CSMD1: variants seen among roughly 807,000 people sequenced by gnomAD.
CSMD1 encodes CUB and Sushi multiple domains 1, also known as CUB and sushi domain-containing protein 1.
CSMD1 carries 213 observed loss-of-function variants against 417.5 expected under a neutral mutation model. The ratio of observed to expected loss-of-function variants is 0.51; its 90% CI spans 0.46 to 0.57. The LOEUF (loss-of-function observed/expected upper bound fraction) is 0.57, where lower values mean the gene tolerates loss of function less well. CSMD1 is among the 20% of genes least tolerant of loss of function. The pLI is 0.00. For missense variants in CSMD1, 6,923 were observed against 4,529.7 expected (o/e 1.53, Z -15.17); for synonymous variants, 2,862 against 1,736.8 (o/e 1.65, Z -16.11).
intron 7 of CSMD1, among the ~76,000 whole-genome samples, chr8:3,706,877 C>T (rs1157039021): frequency 2.0e-5 from 3 of 152,182 alleles, no homozygotes; most frequent in African/African-American, 4.8e-5. Context: ...ATTCCTTCTA[C>T]TGTTTCTCAG....
rs556563673 is a variant in CSMD1 at position 3,220,086 on chromosome 8, AATGAGCT to A, written c.4485-651_4485-645del. ...CTTGAGGCCAGGAGTCTGAGGCTGC[AATGAGCT>A]ATGACCACACCACTGCACCCATGCA... On this transcript the variant is annotated intron_variant, in intron 28 of 69. Coordinates refer to ENST00000635120, the MANE Select transcript of CSMD1 (RefSeq NM_033225.6). Among the ~76,000 whole-genome samples, 56 of 148,142 alleles carry A rather than the reference AATGAGCT, an allele frequency of 3.8e-4. No individual in the cohort carries two copies. In the South Asian group the frequency reaches 0.012, roughly 32 times the overall value.
intron 11 of CSMD1, among the ~76,000 whole-genome samples, chr8:3,477,464 A>G (rs896916702): frequency 6.6e-6 from 1 of 152,216 alleles, no homozygotes; most frequent in Non-Finnish European, 1.5e-5. Flanking sequence ...ACTTGCCTTA[A>G]TTGGGTAGAC....
chr8:3,199,813 G>A lies in CSMD1; in HGVS notation c.5099-4C>T, dbSNP rs1268022095. ...GTAGCCAAGGGCAATGTTTCCCCTA[G>A]AAACGAAAACAGAGACAGATTCAGA... On this transcript the variant is annotated splice_polypyrimidine_tract_variant and splice_region_variant and intron_variant, in intron 32 of 69. Coordinates refer to ENST00000635120, the MANE Select transcript of CSMD1 (RefSeq NM_033225.6). The A allele has an allele frequency of 6.4e-7, 1 of 1,558,966 alleles. No homozygotes were observed. Among genetic ancestry groups the A allele is most frequent in the Non-Finnish European group, 8.7e-7 (1 of 1,149,228 alleles).
intron 54 of CSMD1, among the ~76,000 whole-genome samples, chr8:2,993,529 A>G (rs1806595961): frequency 6.6e-6 from 1 of 152,224 alleles, no homozygotes; most frequent in Non-Finnish European, 1.5e-5. Context: ...TACTTTAAAA[A>G]TATTTTTTAG....
At chr8:4,794,163 G>T (rs971569623) in intron 1 of CSMD1, among the ~76,000 whole-genome samples, 1 of 151,982 alleles carries the variant, frequency 6.6e-6, no homozygotes, top group South Asian at 2.1e-4. Context: ...ACTCAATATT[G>T]TTCTCTTCAA....
chr8:3,243,145 T>C (rs960372953), intron 26 of CSMD1, among the ~76,000 whole-genome samples: 2 of 150,952 alleles, frequency 1.3e-5, no homozygotes, highest in African/African-American at 4.9e-5. Context: ...GTGAGGGAGG[T>C]TGGAGAAGAG....
intron 5 of CSMD1, among the ~76,000 whole-genome samples, chr8:3,817,804 T>TAAG (rs1801474280): frequency 1.3e-5 from 2 of 152,078 alleles, no homozygotes; most frequent in Admixed American, 6.5e-5. Flanking sequence ...GAATGTTTAA[T>TAAG]AAGCACGTGC....
chr8:3,204,384 G>C (rs1399894537), intron 31 of CSMD1, among the ~76,000 whole-genome samples: 1 of 144,278 alleles, frequency 6.9e-6, no homozygotes, highest in Non-Finnish European at 1.5e-5. Context: ...GGGGAATACT[G>C]CTGAGCATTT....
At chr8:4,359,647 G>A (rs972413470) in intron 3 of CSMD1, among the ~76,000 whole-genome samples, 1 of 152,146 alleles carries the variant, frequency 6.6e-6, no homozygotes, top group South Asian at 2.1e-4. Context: ...TGCTCCCCTT[G>A]CAAATGTGTG....
intron 10 of CSMD1, among the ~76,000 whole-genome samples, chr8:3,568,306 A>G (rs1267036708): frequency 2.0e-5 from 3 of 152,126 alleles, no homozygotes; most frequent in Admixed American, 6.5e-5. Context: ...GCTGTTGTCA[A>G]TGGCAGAATT....
intron 6 of CSMD1, among the ~76,000 whole-genome samples, chr8:3,721,679 C>G (rs1802183534): frequency 1.3e-5 from 2 of 152,042 alleles, no homozygotes. Flanking sequence ...TTTGGAAGAG[C>G]TTCTTTAATT....
chr8:3,955,050 G>A (rs1343082390), intron 5 of CSMD1, among the ~76,000 whole-genome samples: 1 of 152,194 alleles, frequency 6.6e-6, no homozygotes, highest in Non-Finnish European at 1.5e-5. Flanking sequence ...TTTTCAAAGA[G>A]GCAATGCGAT....
chr8:4,133,215 C>T (rs756063693), intron 3 of CSMD1, among the ~76,000 whole-genome samples: 31 of 152,142 alleles, frequency 2.0e-4, no homozygotes, highest in Admixed American at 9.8e-4. Context: ...GGATTACAGA[C>T]ATGAGTCACC....
intron 23 of CSMD1, among the ~76,000 whole-genome samples, chr8:3,334,450 G>C (rs1036107574): frequency 6.6e-6 from 1 of 152,096 alleles, no homozygotes; most frequent in Non-Finnish European, 1.5e-5. Context: ...GTTTAATGTT[G>C]ATGTCATTTT....
At chr8:3,727,024 T>A (rs1042739102) in intron 6 of CSMD1, among the ~76,000 whole-genome samples, 3 of 152,212 alleles carry the variant, frequency 2.0e-5, no homozygotes. Flanking sequence ...TTGCATTTAT[T>A]TTCTCTTAGT....
At chr8:4,916,940 A>G (rs1806104004) in intron 1 of CSMD1, among the ~76,000 whole-genome samples, 1 of 152,214 alleles carries the variant, frequency 6.6e-6, no homozygotes, top group African/African-American at 2.4e-5. Context: ...AGGGTGTGAG[A>G]CATGTCATTA....
intron 1 of CSMD1, among the ~76,000 whole-genome samples, chr8:4,774,786 C>T (rs1448489260): frequency 1.3e-5 from 2 of 152,094 alleles, no homozygotes; most frequent in African/African-American, 4.8e-5. Context: ...AAGCCTGTAG[C>T]ACCTCCCCGC....
At chr8:3,583,771 C>T (rs758853882) in intron 9 of CSMD1, among the ~76,000 whole-genome samples, 4 of 152,008 alleles carry the variant, frequency 2.6e-5, no homozygotes, top group African/African-American at 9.7e-5. Context: ...CGTGTGGCTG[C>T]GCAGCCATGC....
At chr8:3,839,753 G>C (rs1430202385) in intron 5 of CSMD1, among the ~76,000 whole-genome samples, 1 of 151,082 alleles carries the variant, frequency 6.6e-6, no homozygotes, top group Non-Finnish European at 1.5e-5. Context: ...ACCCATGAGT[G>C]CTGCCACTGC....
Sources: gnomAD v4.1 joint callset for allele counts (sites outside exome capture counted in the v4.1 genomes callset) on GRCh38, gnomAD v4.1.1 for gene constraint, MANE v1.5 for transcripts, NCBI Gene and HGNC (gene_info 2026-07-23, HGNC 2026-07-21) for gene names.